Variants in EIF4G1 observed in about 807,000 individuals in gnomAD.
The protein encoded by EIF4G1 is eukaryotic translation initiation factor 4 gamma 1.
A neutral mutation model predicts 187.8 loss-of-function variants in EIF4G1; 4 were observed. The observed-to-expected ratio is 0.02, with a 90% confidence interval of 0.01 to 0.05. EIF4G1 has a LOEUF of 0.05. EIF4G1 is among the 10% of genes least tolerant of loss of function. The pLI is 1.00. For synonymous variants in EIF4G1, 844 were observed against 781.4 expected (o/e 1.08, Z -1.34); for missense variants, 1,647 against 2,081.1 (o/e 0.79, Z 4.06).
chr3:184,323,648 C>T lies in EIF4G1; in HGVS notation c.2274+55C>T. 6.2e-7 allele frequency: 1 copy of T among 1,612,450 alleles called. No homozygotes were observed. Among genetic ancestry groups the T allele is most frequent in the Non-Finnish European group, 8.5e-7 (1 of 1,179,564 alleles). On this transcript the variant is annotated intron_variant, in intron 15 of 32. Transcript: ENST00000346169. The surrounding 1 kb of genome is among the most constrained non-coding windows in gnomAD (Gnocchi z 6.9). ...TCCATTTCTTCTCCAGGTCTGCCAT[C>T]TGTGCCCTCTTTGCTTCTTTTTGTC...
In EIF4G1 at chr3:184,315,822, G is replaced by GT; in HGVS notation, c.26_27insT (p.Pro12ThrfsTer43). 1 of 1,544,498 alleles carries GT rather than the reference G, an allele frequency of 6.5e-7. No individual in the cohort carries two copies. The highest frequency in any genetic ancestry group is 8.8e-7 in the Non-Finnish European group (1 of 1,140,804). ...ATGAACAAAGCTCCACAGTCCACAG[G>GT]CCCCCCACCCGCCCCATCCCCCGGA... is the stretch of plus-strand genomic sequence containing the variant. On this transcript the variant is annotated frameshift_variant, in exon 3 of 33. Coordinates refer to ENST00000346169, the MANE Select transcript of EIF4G1 (RefSeq NM_198241.3). LOFTEE classifies it high-confidence loss of function.
At chr3:184,332,443 T>TCTC (rs1178415055) in intron 32 of EIF4G1, among the ~76,000 whole-genome samples, 8 of 152,196 alleles carry the variant, frequency 5.3e-5, no homozygotes, top group Non-Finnish European at 1.0e-4. Flanking sequence ...AAATGTTGTT[T>TCTC]AGGGTGGATG....
At chr3:184,315,681 C>T (rs1722640576) in intron 2 of EIF4G1, 82 bp from the exon 3 acceptor site, 2 of 1,036,540 alleles carry the variant, frequency 1.9e-6, no homozygotes. Flanking sequence ...TGGGACCCAG[C>T]CCTTGCATCA....
Position 184,325,192 on chromosome 3 carries a change from G to C in EIF4G1, c.2857-77G>C. The C allele has an allele frequency of 6.2e-7, 1 of 1,603,574 alleles. No individual in the cohort carries two copies. The highest frequency in any genetic ancestry group is 8.5e-7 in the Non-Finnish European group (1 of 1,170,516). Reference sequence around the variant, plus strand: ...CTGAGCCCACAATGATGGGGCGGAAGGCCTGAGGAGGGGTGGGGCCTGCAG... The same window carrying C: ...CTGAGCCCACAATGATGGGGCGGAACGCCTGAGGAGGGGTGGGGCCTGCAG... On this transcript the variant is annotated intron_variant, in intron 18 of 32. Coordinates refer to ENST00000346169, the MANE Select transcript of EIF4G1 (RefSeq NM_198241.3). The surrounding 1 kb of genome is among the most constrained non-coding windows in gnomAD (Gnocchi z 5.2).
rs1354956837 is a variant in EIF4G1, at chr3:184,325,134, G to C, written c.2856+20G>C. ...GCCAAGGTAGAGGTCCTTGCATCTG[G>C]AGGGGGATGGGCTGAAGCATATGTG... On this transcript the variant is annotated intron_variant, in intron 18 of 32. Coordinates refer to ENST00000346169, the MANE Select transcript of EIF4G1 (RefSeq NM_198241.3). This position sits in a 1 kb window ranked among gnomAD's most constrained non-coding sequence, Gnocchi z 5.2. 6.2e-7 allele frequency: 1 copy of C among 1,612,772 alleles called. No homozygotes were observed. Among genetic ancestry groups the C allele is most frequent in the South Asian group, 1.1e-5 (1 of 91,058 alleles).
At chr3:184,320,159 C>A (rs943444960) in intron 7 of EIF4G1, 1 of 685,772 alleles carries the variant, frequency 1.5e-6, no homozygotes, top group Non-Finnish European at 2.1e-6. Flanking sequence ...GCTCTCAAGG[C>A]CTCCGCCTCT....
Position 184,332,045 on chromosome 3 carries a change from A to G in EIF4G1, c.4577A>G (p.Tyr1526Cys), listed in dbSNP as rs371718616. The change falls in exon 32 of 33, where the codon TAC (tyrosine) becomes TGC (cysteine). Residue 1526 changes from tyrosine (Y) to cysteine (C), a missense_variant. Tyr to Cys is a radical substitution (Grantham distance 194). Coordinates refer to ENST00000346169, the MANE Select transcript of EIF4G1 (RefSeq NM_198241.3). ...CDEQKELQAL[Y>C]ALQALVVTLE... ...GAGCAGAAGGAGCTACAGGCGCTCT[A>G]CGCCCTCCAGGCCCTTGTAGTGACC... 9.9e-6 allele frequency: 16 copies of G among 1,614,074 alleles called. No individual in the cohort carries two copies. The highest frequency in any genetic ancestry group is 6.7e-5 in the Admixed American group (4 of 60,000).
rs1726012501 is a variant in EIF4G1, at chr3:184,331,122, C to T, written c.4162-144C>T. 5.7e-6 allele frequency: 5 copies of T among 879,944 alleles called. No individual in the cohort carries two copies. The East Asian group carries it at 1.2e-4, about 21-fold the overall frequency. The allele number at this position is 879,944 out of a possible 1,614,324, so 54.5% of individuals were successfully genotyped here. The stretch of plus-strand genomic sequence containing the variant: ...GACCGTAGGAATGGAAGGGCTTTGC[C>T]TATTAGTATTTCTATAGCATCCTTA... On this transcript the variant is annotated intron_variant, in intron 28 of 32. Transcript: ENST00000346169.
At position 184,334,145 on chromosome 3, in the gene EIF4G1, G is replaced by A. The variant is rs1726673772; in HGVS notation, c.4619-582G>A. ...TTGGGAAGGCTACCCAGCAGCTAGGGGTTGAGGAGAAAGAGGGCCCGAACA... is the reference window on the plus strand; with the variant it reads ...TTGGGAAGGCTACCCAGCAGCTAGGAGTTGAGGAGAAAGAGGGCCCGAACA... On this transcript the variant is annotated intron_variant, in intron 32 of 32. Transcript: ENST00000346169. The surrounding 1 kb of genome is among the most constrained non-coding windows in gnomAD (Gnocchi z 5.8). 6.6e-6 allele frequency among the ~76,000 whole-genome samples: 1 copy of A among 152,174 alleles called. No individual in the cohort carries two copies. Among genetic ancestry groups the A allele is most frequent in the Non-Finnish European group, 1.5e-5 (1 of 68,036 alleles).
At chr3:184,333,050 A>C (rs1726438595) in intron 32 of EIF4G1, among the ~76,000 whole-genome samples, 4 of 152,202 alleles carry the variant, frequency 2.6e-5, no homozygotes. Context: ...CAGTGTTAGC[A>C]CCAGTGGCTC....
Position 184,323,622 on chromosome 3 carries a change from C to G in EIF4G1, c.2274+29C>G, listed in dbSNP as rs1161869872. On this transcript the variant is annotated intron_variant, in intron 15 of 32. Coordinates refer to ENST00000346169, the MANE Select transcript of EIF4G1 (RefSeq NM_198241.3). This position sits in a 1 kb window ranked among gnomAD's most constrained non-coding sequence, Gnocchi z 6.9. ...CTGGCAAGTCCTGCTTTTGGTCTCTCTCCATTTCTTCTCCAGGTCTGCCAT... is the reference window on the plus strand; with the variant it reads ...CTGGCAAGTCCTGCTTTTGGTCTCTGTCCATTTCTTCTCCAGGTCTGCCAT... 5 of 1,613,554 alleles carry G rather than the reference C, an allele frequency of 3.1e-6. No individual in the cohort carries two copies. The highest frequency in any genetic ancestry group is 2.5e-6 in the Non-Finnish European group (3 of 1,179,972).
At chr3:184,333,605 T>C (rs1032850682) in intron 32 of EIF4G1, among the ~76,000 whole-genome samples, 3 of 152,092 alleles carry the variant, frequency 2.0e-5, no homozygotes, top group Non-Finnish European at 4.4e-5. Context: ...AAATGCAGGA[T>C]GTTTGGAATA....
intron 17 of EIF4G1, among the ~76,000 whole-genome samples, chr3:184,324,586 A>G (rs907412783): frequency 2.0e-5 from 3 of 152,122 alleles, no homozygotes; most frequent in Admixed American, 6.5e-5. Flanking sequence ...CAGCCTCCCA[A>G]GTAGCTGGGA....
intron 9 of EIF4G1, 73 bp from the exon 10 acceptor site, chr3:184,321,209 C>T: frequency 6.3e-7 from 1 of 1,593,904 alleles, no homozygotes; most frequent in Non-Finnish European, 8.6e-7. Context: ...AATGCCTGGG[C>T]TGGAGGATGG....
Position 184,327,388 on chromosome 3 carries a change from C to T in EIF4G1, c.3601C>T (p.Pro1201Ser), listed in dbSNP as rs1428263853. 6.2e-7 allele frequency: 1 copy of T among 1,613,484 alleles called. No homozygotes were observed. The highest frequency in any genetic ancestry group is 8.5e-7 in the Non-Finnish European group (1 of 1,180,036). ...EERSRERPSQPEGLRKAASLT... is the reference protein window; with the variant it reads ...EERSRERPSQSEGLRKAASLT... Reference sequence around the variant, plus strand: ...GCGGAGTAGAGAACGGCCCTCCCAGCCTGAGGGGCTGCGCAAGGCAGCTAG... The same window carrying T: ...GCGGAGTAGAGAACGGCCCTCCCAGTCTGAGGGGCTGCGCAAGGCAGCTAG... Residue 1201 changes from proline to serine, a missense_variant, in exon 24 of 33, where the codon CCT becomes TCT. Pro to Ser is a moderately conservative substitution (Grantham distance 74). Transcript: ENST00000346169.
In EIF4G1 at chr3:184,323,830, G is replaced by T; in HGVS notation, c.2325G>T (p.Met775Ile). 6.2e-7 allele frequency: 1 copy of T among 1,614,182 alleles called. No homozygotes were observed. The highest frequency in any genetic ancestry group is 8.5e-7 in the Non-Finnish European group (1 of 1,180,032). Residue 775 changes from methionine to isoleucine, a missense_variant, in exon 16 of 33, where the codon ATG (methionine) becomes ATT (isoleucine). Physicochemically the swap from Met to Ile is conservative, Grantham distance 10. Coordinates refer to ENST00000346169, the MANE Select transcript of EIF4G1 (RefSeq NM_198241.3). This position sits in a 1 kb window ranked among gnomAD's most constrained non-coding sequence, Gnocchi z 6.9. Reference protein sequence around the residue: ...RSILNKLTPQMFQQLMKQVTQ... With the variant: ...RSILNKLTPQIFQQLMKQVTQ... ...TCCTGAATAAACTGACACCCCAGAT[G>T]TTCCAGCAGCTGATGAAGCAAGTGA...
chr3:184,319,566 G>GGGCAA, intron 6 of EIF4G1, 123 bp from the exon 7 acceptor site: 1 of 725,608 alleles, frequency 1.4e-6, no homozygotes, highest in Non-Finnish European at 2.5e-6. Flanking sequence ...GGGCAGGGCA[G>GGGCAA]GGCAAGGCAA....
rs755585969 is a variant in EIF4G1, at chr3:184,321,649, A to T, written c.1065A>T (p.Thr355=). 2 of 1,609,048 alleles carry T rather than the reference A, an allele frequency of 1.2e-6. No individual in the cohort carries two copies. ...LQAPTPLASH[T]VEIHEPNGMV... ...CTCCCACCCCTTTGGCATCTCACAC[A>T]GTGGAAATTCATGAGCCTAATGGCA... Residue 355 remains threonine (T), a synonymous_variant, in exon 10 of 33, where the codon ACA becomes ACT. Coordinates refer to ENST00000346169, the MANE Select transcript of EIF4G1 (RefSeq NM_198241.3).
intron 7 of EIF4G1, 199 bp from the exon 8 acceptor site, chr3:184,320,431 G>A: frequency 3.4e-6 from 5 of 1,484,320 alleles, no homozygotes; most frequent in Non-Finnish European, 4.5e-6. Context: ...GAGATCAAGG[G>A]TCTCTTAAGG....
Sources: gnomAD v4.1 joint callset for allele counts (sites outside exome capture counted in the v4.1 genomes callset) on GRCh38, gnomAD v4.1.1 for gene constraint, Gnocchi (gnomAD v3.1) non-coding constraint, MANE v1.5 for transcripts, NCBI Gene and HGNC (gene_info 2026-07-23, HGNC 2026-07-21) for gene names.